The following LRRC4C variants were observed in gnomAD, a reference collection of about 807,000 sequenced individuals.
LRRC4C encodes the protein leucine rich repeat containing 4C, also known as leucine-rich repeat-containing protein 4C.
A neutral mutation model predicts 33.6 loss-of-function variants in LRRC4C; 5 were observed. The ratio of observed to expected loss-of-function variants is 0.15; its 90% CI spans 0.08 to 0.31. The LOEUF is 0.31. LRRC4C is among the 10% of genes least tolerant of loss of function. The pLI, the probability that LRRC4C is intolerant of heterozygous loss-of-function variation, is 1.00. For synonymous variants in LRRC4C, 329 were observed against 302.0 expected (o/e 1.09, Z -0.93); for missense variants, 560 against 796.7 (o/e 0.70, Z 3.58).
At chr11:40,855,794 T>C (rs1301394539) in intron 2 of LRRC4C, among the ~76,000 whole-genome samples, 1 of 152,122 alleles carries the variant, frequency 6.6e-6, no homozygotes, top group Non-Finnish European at 1.5e-5. Context: ...GTCTTTTTTT[T>C]TATAAACTTA....
intron 1 of LRRC4C, among the ~76,000 whole-genome samples, chr11:41,443,844 A>G (rs972557171): frequency 1.3e-5 from 2 of 148,862 alleles, no homozygotes; most frequent in African/African-American, 5.0e-5. Context: ...GCTGGTCTCG[A>G]ATTCCTGACC....
intron 3 of LRRC4C, among the ~76,000 whole-genome samples, chr11:40,499,031 A>G (rs557324260): frequency 6.6e-6 from 1 of 152,292 alleles, no homozygotes; most frequent in African/African-American, 2.4e-5. Flanking sequence ...AATAGGTGAT[A>G]TTATGACTTA....
chr11:40,915,877 G>T (rs988049026), intron 2 of LRRC4C, among the ~76,000 whole-genome samples: 1 of 152,124 alleles, frequency 6.6e-6, no homozygotes, highest in Non-Finnish European at 1.5e-5. Context: ...CCATCAAAAA[G>T]TGGGTGAAGG....
intron 1 of LRRC4C, among the ~76,000 whole-genome samples, chr11:41,212,710 T>C (rs1946873613): frequency 6.6e-6 from 1 of 152,194 alleles, no homozygotes; most frequent in Non-Finnish European, 1.5e-5. Flanking sequence ...ATAGCTTCCA[T>C]TTATCGAAGC....
At chr11:41,135,063 C>T (rs1427880668) in intron 1 of LRRC4C, among the ~76,000 whole-genome samples, 4 of 151,308 alleles carry the variant, frequency 2.6e-5, no homozygotes, top group African/African-American at 4.8e-5. Flanking sequence ...TACACATATA[C>T]ACACACACAC....
In LRRC4C at chr11:40,287,252, C is replaced by CTGTGTG. The variant is rs1466533399; in HGVS notation, c.-176+32375_-176+32376insCACACA. ...AACATAAGGAAGCAACTTAATGTCACTGTATGTGTGTGTGTGTGTGTGTGT... is the reference window on the plus strand; with the variant it reads ...AACATAAGGAAGCAACTTAATGTCACTGTGTGTGTATGTGTGTGTGTGTGTGTGTGT... On this transcript the variant is annotated intron_variant, in intron 4 of 6. Coordinates refer to ENST00000528697, the MANE Select transcript of LRRC4C (RefSeq NM_001258419.2). Among the ~76,000 whole-genome samples, 50 of 103,636 alleles carry CTGTGTG rather than the reference C, an allele frequency of 4.8e-4. 1 individual carries two copies. The South Asian group carries it at 0.019, about 39-fold the overall frequency. The allele number at this position is 103,636 out of a possible 152,430, so 68.0% of individuals were successfully genotyped here.
intron 1 of LRRC4C, among the ~76,000 whole-genome samples, chr11:41,332,934 G>C (rs1565589158): frequency 1.3e-5 from 2 of 152,030 alleles, no homozygotes; most frequent in Non-Finnish European, 1.5e-5. Flanking sequence ...CCTAGGTCTT[G>C]GGCTGAAACT....
At chr11:40,385,899 A>C in intron 3 of LRRC4C, among the ~76,000 whole-genome samples, 1 of 117,930 alleles carries the variant, frequency 8.5e-6, no homozygotes, top group South Asian at 3.0e-4. Context: ...AATAAAATAA[A>C]ATAAAATAAA....
At chr11:41,100,681 A>G (rs547637011) in intron 1 of LRRC4C, among the ~76,000 whole-genome samples, 1 of 152,272 alleles carries the variant, frequency 6.6e-6, no homozygotes, top group African/African-American at 2.4e-5. Context: ...ACAGAACTAG[A>G]AGAAAACTAT....
In LRRC4C at chr11:40,743,355, T is replaced by C. The variant is rs184270265; in HGVS notation, c.-406-95077A>G. ...TGCGGTAACAAACTATCATAAGCTG[T>C]TGGCTTAAAACAACACAAATGTATT... is the stretch of plus-strand genomic sequence containing the variant. On this transcript the variant is annotated intron_variant, in intron 2 of 6. Transcript: ENST00000528697. Among the ~76,000 whole-genome samples the C allele has an allele frequency of 1.3e-4, 20 of 152,144 alleles. No individual in the cohort carries two copies. In the East Asian group the frequency reaches 3.5e-3, roughly 27 times the overall value.
rs550481157 is a variant in LRRC4C, at chr11:41,098,259, T to G, written c.-495-164536A>C. ...ATAGAACTCATTGTCTTTAGGGTTC[T>G]AGAAAATCACTGCGGCCACACTGCT... On this transcript the variant is annotated intron_variant, in intron 1 of 6. Transcript: ENST00000528697. Among the ~76,000 whole-genome samples, 19 of 152,308 alleles carry G rather than the reference T, an allele frequency of 1.2e-4. No homozygotes were observed. In the South Asian group the frequency reaches 3.7e-3, roughly 30 times the overall value.
intron 3 of LRRC4C, among the ~76,000 whole-genome samples, chr11:40,450,614 C>A (rs1202781096): frequency 6.6e-6 from 1 of 151,792 alleles, no homozygotes; most frequent in East Asian, 1.9e-4. Flanking sequence ...TTTAGCAAAG[C>A]CCAGGCTTGG....
intron 1 of LRRC4C, among the ~76,000 whole-genome samples, chr11:41,086,272 T>C (rs1939982100): frequency 6.6e-6 from 1 of 152,174 alleles, no homozygotes; most frequent in African/African-American, 2.4e-5. Flanking sequence ...GGGCTGAAAT[T>C]ATATCACTAC....
intron 2 of LRRC4C, among the ~76,000 whole-genome samples, chr11:40,712,410 T>G (rs1285205874): frequency 6.6e-6 from 1 of 152,206 alleles, no homozygotes; most frequent in Non-Finnish European, 1.5e-5. Context: ...AACTAAAAGT[T>G]AAACCTACAT....
chr11:40,833,033 G>T (rs1226834816), intron 2 of LRRC4C, among the ~76,000 whole-genome samples: 1 of 152,022 alleles, frequency 6.6e-6, no homozygotes, highest in East Asian at 1.9e-4. Context: ...CTATTTTAAG[G>T]CCAAAATTCT....
chr11:41,167,490 T>C (rs1944782881), intron 1 of LRRC4C, among the ~76,000 whole-genome samples: 1 of 152,184 alleles, frequency 6.6e-6, no homozygotes, highest in African/African-American at 2.4e-5. Flanking sequence ...ACCTAATTCA[T>C]ACCACTCCTC....
intron 1 of LRRC4C, among the ~76,000 whole-genome samples, chr11:40,956,152 C>T (rs540534452): frequency 3.3e-5 from 5 of 151,848 alleles, no homozygotes; most frequent in East Asian, 1.9e-4. Flanking sequence ...GCACAAGTGA[C>T]GGCGATACCA....
intron 1 of LRRC4C, among the ~76,000 whole-genome samples, chr11:41,266,439 C>A (rs1033170388): frequency 1.3e-5 from 2 of 151,998 alleles, no homozygotes; most frequent in African/African-American, 4.8e-5. Flanking sequence ...ATAAACCTGA[C>A]TTTCTCCATT....
At chr11:40,355,881 T>C (rs1947633579) in intron 3 of LRRC4C, among the ~76,000 whole-genome samples, 1 of 152,116 alleles carries the variant, frequency 6.6e-6, no homozygotes, top group African/African-American at 2.4e-5. Flanking sequence ...CACTAGAAGA[T>C]TCTATTCAGC....
Sources: allele counts gnomAD v4.1 joint callset (sites outside exome capture counted in the v4.1 genomes callset), GRCh38; gene constraint gnomAD v4.1.1; transcripts MANE v1.5; gene names NCBI Gene and HGNC (gene_info 2026-07-23, HGNC 2026-07-21).